Variants in ABAT observed in about 807,000 individuals in gnomAD.
ABAT encodes the protein 4-aminobutyrate aminotransferase.
A neutral mutation model predicts 64.6 loss-of-function variants in ABAT; 45 were observed. That is an observed-to-expected ratio of 0.70 (90% CI 0.55 to 0.89). The LOEUF (loss-of-function observed/expected upper bound fraction) is 0.89. ABAT is among the 40% of genes least tolerant of loss of function. The probability of loss-of-function intolerance (pLI) is 0.00; values close to 1 mark genes in which losing one functional copy is unlikely to be tolerated. For synonymous variants in ABAT, 297 were observed against 250.5 expected, an observed-to-expected ratio of 1.19 and a Z score of -1.75; for missense variants, 633 against 658.4, an observed-to-expected ratio of 0.96 and a Z score of 0.42.
intron 1 of ABAT, among the ~76,000 whole-genome samples, chr16:8,724,599 G>C (rs2058479415): frequency 1.3e-5 from 2 of 151,976 alleles, no homozygotes; most frequent in African/African-American, 2.4e-5. Context: ...AGCCAGGTGT[G>C]GTGGCATGTG....
rs145467005 is a variant in ABAT, at chr16:8,764,023, G to T, written c.367-46G>T. On this transcript the variant is annotated intron_variant, in intron 6 of 15. Coordinates refer to ENST00000268251, the MANE Select transcript of ABAT (RefSeq NM_020686.6). This position sits in a 1 kb window ranked among gnomAD's most constrained non-coding sequence, Gnocchi z 4.2. ...AAGCACCATTTGTGGGCAGGGAGCT[G>T]GGTCAGGCCCCCAGAAGTCACCATT... The T allele has an allele frequency of 8.3e-4, 1,271 of 1,531,516 alleles. 11 individuals carry two copies. In the African/African-American group the frequency reaches 0.015, roughly 19 times the overall value. 94.9% of individuals were successfully genotyped at this position (1,531,516 alleles called of 1,614,324 possible). A position where few individuals can be genotyped will look rare whatever the true frequency, so the allele number is the denominator to read the frequency against.
At chr16:8,743,935 C>T (rs1240453555) in intron 2 of ABAT, among the ~76,000 whole-genome samples, 2 of 152,116 alleles carry the variant, frequency 1.3e-5, no homozygotes, top group African/African-American at 2.4e-5. Flanking sequence ...AACCCTCACA[C>T]ACTTGTCTTG....
At chr16:8,762,084 G>A (rs776092504) in intron 6 of ABAT, among the ~76,000 whole-genome samples, 1 of 151,262 alleles carries the variant, frequency 6.6e-6, no homozygotes. Flanking sequence ...TTGCAGCCTC[G>A]AACTCCTGGA....
chr16:8,744,931 A>G (rs983827634), intron 2 of ABAT, among the ~76,000 whole-genome samples: 4 of 152,148 alleles, frequency 2.6e-5, no homozygotes, highest in Non-Finnish European at 5.9e-5. Flanking sequence ...ATGGTTGACT[A>G]TGCCACATTC....
chr16:8,764,850 C>T lies in ABAT; in HGVS notation c.540+20C>T, dbSNP rs2059897996. 1 of 1,583,682 alleles carries T rather than the reference C, an allele frequency of 6.3e-7. No individual in the cohort carries two copies. Among genetic ancestry groups the T allele is most frequent in the Non-Finnish European group, 8.7e-7 (1 of 1,152,954 alleles). On this transcript the variant is annotated intron_variant, in intron 8 of 15. Transcript: ENST00000268251. The surrounding 1 kb of genome is among the most constrained non-coding windows in gnomAD (Gnocchi z 4.2). ...TACCGGGTGAGGTTTGGGGCACACACACACACACACACACAGGCTCCCCAG... is the reference window on the plus strand; with the variant it reads ...TACCGGGTGAGGTTTGGGGCACACATACACACACACACACAGGCTCCCCAG...
At chr16:8,728,540 G>C (rs997650757) in intron 1 of ABAT, among the ~76,000 whole-genome samples, 1 of 131,642 alleles carries the variant, frequency 7.6e-6, no homozygotes, top group Non-Finnish European at 1.7e-5. Context: ...GCATTGAGTC[G>C]GATATCCTGG....
At chr16:8,731,064 G>A (rs986020799) in intron 1 of ABAT, among the ~76,000 whole-genome samples, 8 of 152,162 alleles carry the variant, frequency 5.3e-5, no homozygotes, top group Non-Finnish European at 1.0e-4. Context: ...CCAGGTTCAA[G>A]CGATTCTTGT....
chr16:8,752,118 G>A (rs1414461523), intron 5 of ABAT, among the ~76,000 whole-genome samples: 1 of 152,202 alleles, frequency 6.6e-6, no homozygotes, highest in East Asian at 1.9e-4. Context: ...AGCCTTGGCT[G>A]TCCCCCCTCC....
Position 8,768,244 on chromosome 16 carries a change from G to A in ABAT, c.655G>A (p.Gly219Arg). 1 of 1,614,100 alleles carries A rather than the reference G, an allele frequency of 6.2e-7. No homozygotes were observed. The highest frequency in any genetic ancestry group is 8.5e-7 in the Non-Finnish European group (1 of 1,180,048). ...SILSFMGAFH[G>R]RTMGCLATTH... ...CCTCTCCTTCATGGGCGCGTTCCAT[G>A]GGAGGACCATGGGTAAGGAGGGACC... The change falls in exon 10 of 16, where the codon GGG becomes AGG. Residue 219 changes from glycine (G) to arginine (R), a missense_variant. By Grantham distance (125) the Gly-to-Arg change is moderately radical. Coordinates refer to ENST00000268251, the MANE Select transcript of ABAT (RefSeq NM_020686.6).
At chr16:8,676,661 G>C (rs1465209612) in intron 1 of ABAT, among the ~76,000 whole-genome samples, 2 of 152,200 alleles carry the variant, frequency 1.3e-5, no homozygotes, top group African/African-American at 2.4e-5. Context: ...AATAAGATCA[G>C]TTGCAGCTAA....
chr16:8,714,783 AG>A (rs1168092330), intron 1 of ABAT: 1 of 152,494 alleles, frequency 6.6e-6, no homozygotes, highest in East Asian at 1.9e-4. Flanking sequence ...CCTGGCGGAG[AG>A]GACAGAGCCG....
At chr16:8,711,473 G>C (rs1188616684) in intron 1 of ABAT, among the ~76,000 whole-genome samples, 4 of 152,322 alleles carry the variant, frequency 2.6e-5, no homozygotes, top group South Asian at 4.2e-4. Context: ...TTTCTGGCTT[G>C]AACAAATGAG....
At chr16:8,683,950 G>C (rs990522655) in intron 1 of ABAT, among the ~76,000 whole-genome samples, 2 of 110,766 alleles carry the variant, frequency 1.8e-5, no homozygotes, top group African/African-American at 6.4e-5. Flanking sequence ...ATGTGTCTGT[G>C]TGTGTGAGAG....
intron 15 of ABAT, among the ~76,000 whole-genome samples, chr16:8,779,942 A>G (rs1051147121): frequency 6.6e-6 from 1 of 152,184 alleles, no homozygotes; most frequent in Non-Finnish European, 1.5e-5. Flanking sequence ...TGCAATTTTA[A>G]GTCCTGGGAA....
intron 1 of ABAT, among the ~76,000 whole-genome samples, chr16:8,719,510 G>C (rs72768197): frequency 6.6e-6 from 1 of 152,142 alleles, no homozygotes; most frequent in African/African-American, 2.4e-5. Context: ...CGATGTGTTC[G>C]TTCTCCCTGG....
chr16:8,721,975 A>C (rs2058385354), intron 1 of ABAT, among the ~76,000 whole-genome samples: 1 of 152,248 alleles, frequency 6.6e-6, no homozygotes, highest in Non-Finnish European at 1.5e-5. Flanking sequence ...CTTCAGGCCC[A>C]CTGCACAGCT....
chr16:8,690,384 G>C (rs1399766591), intron 1 of ABAT, among the ~76,000 whole-genome samples: 1 of 152,202 alleles, frequency 6.6e-6, no homozygotes, highest in Non-Finnish European at 1.5e-5. Context: ...CTATGGATAA[G>C]AACACAGAAG....
intron 12 of ABAT, among the ~76,000 whole-genome samples, chr16:8,773,948 TG>T (rs2060195564): frequency 6.6e-6 from 1 of 152,194 alleles, no homozygotes; most frequent in Admixed American, 6.5e-5. Flanking sequence ...TCTTTTTTTT[TG>T]AGACAGTCTC....
At chr16:8,769,059 G>T in intron 11 of ABAT, 86 bp downstream of exon 11, 1 of 1,572,212 alleles carries the variant, frequency 6.4e-7, no homozygotes, top group Middle Eastern at 2.1e-4. Context: ...AGAAACAGAT[G>T]AAGGGTTTAT....
Sources: allele counts gnomAD v4.1 joint callset (sites outside exome capture counted in the v4.1 genomes callset), GRCh38; gene constraint gnomAD v4.1.1; non-coding constraint Gnocchi (gnomAD v3.1); transcripts MANE v1.5; gene names NCBI Gene and HGNC (gene_info 2026-07-23, HGNC 2026-07-21).